Variants in ATP6V1B1 observed in about 807,000 individuals in gnomAD.
ATP6V1B1 encodes the protein V-type proton ATPase subunit B, kidney isoform.
Under a neutral mutation model 62.1 loss-of-function variants are expected in ATP6V1B1, and 41 were observed. The ratio of observed to expected loss-of-function variants is 0.66; its 90% CI spans 0.51 to 0.86. The LOEUF is 0.86. ATP6V1B1 is among the 40% of genes least tolerant of loss of function. The probability of loss-of-function intolerance (pLI) is 0.00; values close to 1 mark genes in which losing one functional copy is unlikely to be tolerated. For synonymous variants in ATP6V1B1, 253 were observed against 273.4 expected, an observed-to-expected ratio of 0.93 and a Z score of 0.74; for missense variants, 651 against 697.5, an observed-to-expected ratio of 0.93 and a Z score of 0.75.
chr2:70,944,562 C>T (rs782527153), intron 2 of ATP6V1B1, among the ~76,000 whole-genome samples: 7 of 152,104 alleles, frequency 4.6e-5, no homozygotes, highest in Non-Finnish European at 1.0e-4. Context: ...CTTGGGCTCC[C>T]AGCCTGGCAC....
Position 70,965,181 on chromosome 2 carries a change from C to T in ATP6V1B1, c.*60C>T. The T allele has an allele frequency of 2.5e-6, 4 of 1,589,840 alleles. No individual in the cohort carries two copies. The South Asian group carries it at 4.4e-5, about 18-fold the overall frequency. On this transcript the variant is annotated 3_prime_UTR_variant, in exon 14 of 14. Transcript: ENST00000234396. ...AACCTACCCTCGGCTCCCGGGTCTCCCCTCCCTCGCCACCCCAACCAGCGG... is the reference window on the plus strand; with the variant it reads ...AACCTACCCTCGGCTCCCGGGTCTCTCCTCCCTCGCCACCCCAACCAGCGG...
At position 70,960,074 on chromosome 2, in the gene ATP6V1B1, A is replaced by G. The variant is rs1553419779; in HGVS notation, c.581A>G (p.Asn194Ser). The G allele has an allele frequency of 2.5e-6, 4 of 1,613,200 alleles. No homozygotes were observed. The highest frequency in any genetic ancestry group is 4.5e-5 in the East Asian group (2 of 44,794). The change falls in exon 6 of 14, where the codon AAT becomes AGT. Residue 194 changes from asparagine to serine, a missense_variant. By Grantham distance (46) the Asn-to-Ser change is conservative. Coordinates refer to ENST00000234396, the MANE Select transcript of ATP6V1B1 (RefSeq NM_001692.4). ...TTCTCAGCAGCCGGGCTCCCCCACAATGAGGTGAGGCCTGCAGGGCCAGCA... is the reference window on the plus strand; with the variant it reads ...TTCTCAGCAGCCGGGCTCCCCCACAGTGAGGTGAGGCCTGCAGGGCCAGCA... The part of the protein sequence containing the change: ...PIFSAAGLPH[N>S]EIAAQICRQA...
At chr2:70,942,770 T>C (rs1213131635) in intron 1 of ATP6V1B1, among the ~76,000 whole-genome samples, 2 of 152,226 alleles carry the variant, frequency 1.3e-5, no homozygotes, top group Admixed American at 1.3e-4. Flanking sequence ...ACAGACCCCC[T>C]GCCCACCTTG....
In ATP6V1B1 at chr2:70,964,112, G is replaced by GTTTTTT. The variant is rs1330555546; in HGVS notation, c.1144-325_1144-324insTTTTTT. 8.3e-4 allele frequency: 132 copies of GTTTTTT among 158,204 alleles called. 2 individuals are homozygous for GTTTTTT. The highest frequency in any genetic ancestry group is 2.2e-3 in the Middle Eastern group (1 of 446). 9.8% of individuals were successfully genotyped at this position (158,204 alleles called of 1,614,324 possible). ...TGACGTTTTTCTCTTTGCTTGGCAG[G>GTTTTTT]TATTTTTTTTTTTTTTTTTTTTTTG... On this transcript the variant is annotated intron_variant, in intron 11 of 13. Transcript: ENST00000234396.
chr2:70,950,603 GA>G (rs1258563985), intron 2 of ATP6V1B1, among the ~76,000 whole-genome samples: 3 of 149,806 alleles, frequency 2.0e-5, no homozygotes, highest in South Asian at 2.1e-4. Context: ...TACTAAAATA[GA>G]AAAAAAAGGA....
intron 6 of ATP6V1B1, among the ~76,000 whole-genome samples, chr2:70,960,566 G>A (rs1680561452): frequency 6.6e-6 from 1 of 152,146 alleles, no homozygotes; most frequent in African/African-American, 2.4e-5. Flanking sequence ...TCTGGACATG[G>A]TGTCTTGGAG....
chr2:70,938,892 G>A lies in ATP6V1B1; in HGVS notation c.118+2820G>A, dbSNP rs545503091. ...TCAGATCCCTGAAGATCCCCCAGGA[G>A]CTTGAGTGCCAAACCACTGTCTTTG... On this transcript the variant is annotated intron_variant, in intron 1 of 13. Coordinates refer to ENST00000234396, the MANE Select transcript of ATP6V1B1 (RefSeq NM_001692.4). The A allele has an allele frequency of 3.0e-5, 22 of 741,540 alleles. No individual in the cohort carries two copies. The African/African-American group carries it at 3.4e-4, about 12-fold the overall frequency. 45.9% of individuals were successfully genotyped at this position (741,540 alleles called of 1,614,324 possible). A position where few individuals can be genotyped will look rare whatever the true frequency, so the allele number is the denominator to read the frequency against.
At chr2:70,948,541 A>AG (rs1680241712) in intron 2 of ATP6V1B1, 2 of 154,804 alleles carry the variant, frequency 1.3e-5, no homozygotes, top group African/African-American at 4.8e-5. Flanking sequence ...ATCGAAACAC[A>AG]GGTTATCAGA....
chr2:70,944,991 T>C (rs1230582785), intron 2 of ATP6V1B1, among the ~76,000 whole-genome samples: 1 of 152,128 alleles, frequency 6.6e-6, no homozygotes, highest in Non-Finnish European at 1.5e-5. Flanking sequence ...TCTATGAGGG[T>C]GCCTGCAAGC....
intron 2 of ATP6V1B1, among the ~76,000 whole-genome samples, chr2:70,950,359 A>C (rs1680293095): frequency 6.6e-6 from 1 of 152,170 alleles, no homozygotes; most frequent in African/African-American, 2.4e-5. Context: ...TAAAATAAAC[A>C]ATAATCCATT....
At position 70,963,065 on chromosome 2, in the gene ATP6V1B1, C is replaced by A. The variant is rs977882457; in HGVS notation, c.910-97C>A. The A allele has an allele frequency of 1.4e-5, 23 of 1,602,726 alleles. No homozygotes were observed. The highest frequency in any genetic ancestry group is 4.4e-5 in the South Asian group (4 of 90,368). ...GCCTGGCCATTCCTCCCCTGCCCCC[C>A]ACTCCATTTCTCACAGGGTCACTGA... On this transcript the variant is annotated intron_variant, in intron 9 of 13. Transcript: ENST00000234396. The surrounding 1 kb of genome is among the most constrained non-coding windows in gnomAD (Gnocchi z 4.3).
chr2:70,962,580 G>C (rs1283945322), intron 8 of ATP6V1B1, among the ~76,000 whole-genome samples, 197 bp from the exon 9 acceptor site: 1 of 152,178 alleles, frequency 6.6e-6, no homozygotes, highest in Non-Finnish European at 1.5e-5. Flanking sequence ...GACAGTAGGC[G>C]AGGTGTGTGT....
intron 12 of ATP6V1B1, 55 bp from the exon 13 acceptor site, chr2:70,964,681 A>C (rs1680675940): frequency 6.2e-7 from 1 of 1,612,718 alleles, no homozygotes. Context: ...GTTGGGGGCT[A>C]CTGGACTCCC....
At chr2:70,950,549 T>G (rs894902325) in intron 2 of ATP6V1B1, among the ~76,000 whole-genome samples, 1 of 152,088 alleles carries the variant, frequency 6.6e-6, no homozygotes, top group Non-Finnish European at 1.5e-5. Context: ...TTGGCCCTAT[T>G]GCAGATGGGA....
intron 1 of ATP6V1B1, among the ~76,000 whole-genome samples, chr2:70,937,795 C>T (rs1679895015): frequency 6.6e-6 from 1 of 152,016 alleles, no homozygotes; most frequent in Admixed American, 6.5e-5. Context: ...CCATCTAACC[C>T]CACACTCCTC....
Position 70,963,214 on chromosome 2 carries a change from T to G in ATP6V1B1, c.962T>G (p.Met321Arg). 1 of 1,614,074 alleles carries G rather than the reference T, an allele frequency of 6.2e-7. No individual in the cohort carries two copies. The highest frequency in any genetic ancestry group is 8.5e-7 in the Non-Finnish European group (1 of 1,180,038). Residue 321 changes from methionine (M) to arginine (R), a missense_variant, in exon 10 of 14, where the codon ATG (methionine) becomes AGG (arginine). By Grantham distance (91) the Met-to-Arg change is moderately conservative (BLOSUM62 -1). Coordinates refer to ENST00000234396, the MANE Select transcript of ATP6V1B1 (RefSeq NM_001692.4). This position sits in a 1 kb window ranked among gnomAD's most constrained non-coding sequence, Gnocchi z 4.3. Reference protein sequence around the residue: ...VPGRRGFPGYMYTDLATIYER... With the variant: ...VPGRRGFPGYRYTDLATIYER... The stretch of plus-strand genomic sequence containing the variant: ...GGGCGCCGAGGGTTTCCTGGATATA[T>G]GTACACAGACCTGGCCACCATCTAC...
chr2:70,955,589 G>A (rs1303644387), intron 2 of ATP6V1B1, among the ~76,000 whole-genome samples: 1 of 152,090 alleles, frequency 6.6e-6, no homozygotes, highest in Non-Finnish European at 1.5e-5. Flanking sequence ...TATGTGGCCT[G>A]CTGTGCCTGA....
chr2:70,965,431 A>G lies in ATP6V1B1; in HGVS notation c.*310A>G. On this transcript the variant is annotated 3_prime_UTR_variant, in exon 14 of 14. Coordinates refer to ENST00000234396, the MANE Select transcript of ATP6V1B1 (RefSeq NM_001692.4). ...AATAAAAAGTAACTGAGATGAATTT[A>G]CCTTCGTTGAAAACAAGATTGGCAA... The G allele has an allele frequency of 4.4e-6, 2 of 453,644 alleles. No individual in the cohort carries two copies. Among genetic ancestry groups the G allele is most frequent in the Non-Finnish European group, 8.0e-6 (2 of 250,074 alleles). The allele number at this position is 453,644 out of a possible 1,614,324, so 28.1% of individuals were successfully genotyped here.
At position 70,960,010 on chromosome 2, in the gene ATP6V1B1, G is replaced by A. The variant is rs146293474; in HGVS notation, c.517G>A (p.Val173Ile). Reference protein sequence around the residue: ...MIQTGISPIDVMNSIARGQKI... With the variant: ...MIQTGISPIDIMNSIARGQKI... The stretch of plus-strand genomic sequence containing the variant: ...TCAGACGGGCATTTCTCCTATTGAC[G>A]TCATGAACAGCATTGCCCGCGGCCA... The change falls in exon 6 of 14, where the codon GTC (valine) becomes ATC (isoleucine). Residue 173 changes from valine (V) to isoleucine (I), a missense_variant. Physicochemically the swap from Val to Ile is conservative, Grantham distance 29. Coordinates refer to ENST00000234396, the MANE Select transcript of ATP6V1B1 (RefSeq NM_001692.4). 69 of 1,614,160 alleles carry A rather than the reference G, an allele frequency of 4.3e-5. No homozygotes were observed. The African/African-American group carries it at 5.6e-4, about 13-fold the overall frequency.
Sources: gnomAD v4.1 joint callset for allele counts (sites outside exome capture counted in the v4.1 genomes callset) on GRCh38, gnomAD v4.1.1 for gene constraint, Gnocchi (gnomAD v3.1) non-coding constraint, MANE v1.5 for transcripts, NCBI Gene and HGNC (gene_info 2026-07-23, HGNC 2026-07-21) for gene names.